Variants in EFCC1 observed in about 807,000 individuals in gnomAD.
The protein encoded by EFCC1 is EF-hand and coiled-coil domain containing 1, also known as EF-hand and coiled-coil domain-containing protein 1.
A neutral mutation model predicts 52.1 loss-of-function variants in EFCC1; 50 were observed. The observed-to-expected ratio is 0.96, with a 90% CI of 0.76 to 1.21. The LOEUF (loss-of-function observed/expected upper bound fraction) is 1.21. Among genes scored for constraint, EFCC1 ranks in the 50% most tolerant of loss-of-function variants. The pLI, the probability that EFCC1 is intolerant of heterozygous loss-of-function variation, is 0.00. For synonymous variants in EFCC1, 399 were observed against 396.5 expected, an observed-to-expected ratio of 1.01 and a Z score of -0.08; for missense variants, 837 against 867.3, an observed-to-expected ratio of 0.97 and a Z score of 0.44.
chr3:129,002,855 A>G (rs1056701696), intron 1 of EFCC1, among the ~76,000 whole-genome samples: 1 of 152,282 alleles, frequency 6.6e-6, no homozygotes, highest in Middle Eastern at 3.4e-3. Flanking sequence ...GAAACAGACA[A>G]TGTGGCTCAC....
chr3:129,033,783 C>T (rs528268192), intron 4 of EFCC1, among the ~76,000 whole-genome samples: 7 of 152,160 alleles, frequency 4.6e-5, no homozygotes, highest in African/African-American at 1.2e-4. Context: ...GGGACAGAGG[C>T]GGGGCAGGGA....
intron 2 of EFCC1, 168 bp from the exon 3 acceptor site, chr3:129,030,535 G>C (rs1180304235): frequency 4.2e-6 from 3 of 722,280 alleles, no homozygotes; most frequent in African/African-American, 1.8e-5. Context: ...TGCCCTAGCT[G>C]CAAGGGATGC....
At chr3:129,027,159 G>T (rs1023821258) in intron 2 of EFCC1, among the ~76,000 whole-genome samples, 2 of 152,220 alleles carry the variant, frequency 1.3e-5, no homozygotes, top group African/African-American at 4.8e-5. Context: ...GACGCCTGCA[G>T]ACGCTCCTTG....
chr3:129,032,176 C>T (rs868522690), intron 3 of EFCC1, among the ~76,000 whole-genome samples: 35 of 152,184 alleles, frequency 2.3e-4, no homozygotes, highest in Admixed American at 1.2e-3. Context: ...AAACATTAGA[C>T]GCCTGTAGTT....
At position 129,002,221 on chromosome 3, in the gene EFCC1, A is replaced by C; in HGVS notation, c.593A>C (p.Glu198Ala). 6.5e-7 allele frequency: 1 copy of C among 1,528,768 alleles called. No individual in the cohort carries two copies. The highest frequency in any genetic ancestry group is 8.7e-7 in the Non-Finnish European group (1 of 1,143,360). The allele number at this position is 1,528,768 out of a possible 1,614,324, so 94.7% of individuals were successfully genotyped here. The change falls in exon 1 of 8, where the codon GAG (glutamate) becomes GCG (alanine). Residue 198 changes from glutamate (E) to alanine (A), a missense_variant. Transcript: ENST00000683648. ...APGPDSGPDC[E>A]RVARLEEENS... ...GGCCCCGACAGCGGTCCTGACTGTG[A>C]GCGCGTTGCGCGGCTGGAGGAGGAG...
chr3:129,008,602 G>A lies in EFCC1; in HGVS notation c.980+4525G>A, dbSNP rs113743693. ...AAGCACGTTCTGTGGACCAATCCCC[G>A]TGCCACAATCCTTGGGACACAGAAA... is the stretch of plus-strand genomic sequence containing the variant. On this transcript the variant is annotated intron_variant, in intron 2 of 7. Transcript: ENST00000683648. 2.6e-3 allele frequency among the ~76,000 whole-genome samples: 389 copies of A among 152,090 alleles called. 2 individuals are homozygous for A. The highest frequency in any genetic ancestry group is 8.8e-3 in the African/African-American group (367 of 41,502).
intron 2 of EFCC1, among the ~76,000 whole-genome samples, chr3:129,009,713 A>T (rs1352833528): frequency 1.3e-5 from 2 of 152,212 alleles, no homozygotes; most frequent in Non-Finnish European, 2.9e-5. Context: ...CTCGCAGCCC[A>T]GTCCTTTTCT....
rs557624250 is a variant in EFCC1 at position 129,030,900 on chromosome 3, A to T, written c.1138+40A>T. Reference sequence around the variant, plus strand: ...CGCCCAGTCTTCCTGCCAGGCTCACAGTCCCTCCGGCTGTGCTCAGCCCTG... The same window carrying T: ...CGCCCAGTCTTCCTGCCAGGCTCACTGTCCCTCCGGCTGTGCTCAGCCCTG... On this transcript the variant is annotated intron_variant, in intron 3 of 7. Transcript: ENST00000683648. The T allele has an allele frequency of 2.8e-5, 43 of 1,529,250 alleles. No homozygotes were observed. The African/African-American group carries it at 5.4e-4, about 19-fold the overall frequency. The allele number at this position is 1,529,250 out of a possible 1,614,324, so 94.7% of individuals were successfully genotyped here.
chr3:129,018,632 G>T (rs1407593206), intron 2 of EFCC1, among the ~76,000 whole-genome samples: 2 of 152,212 alleles, frequency 1.3e-5, no homozygotes, highest in African/African-American at 4.8e-5. Context: ...TTGGTGACCA[G>T]CAATTCCAAC....
intron 2 of EFCC1, among the ~76,000 whole-genome samples, chr3:129,005,605 C>T (rs1267715613): frequency 6.6e-6 from 1 of 152,254 alleles, no homozygotes; most frequent in East Asian, 1.9e-4. Context: ...GAGCAGGAGA[C>T]AGTGCAGAGC....
chr3:129,037,766 T>TA (rs1203172559), intron 6 of EFCC1, among the ~76,000 whole-genome samples: 2 of 151,996 alleles, frequency 1.3e-5, no homozygotes, highest in Non-Finnish European at 2.9e-5. Flanking sequence ...GGAATCCCCC[T>TA]AAAATCAGAT....
chr3:129,008,201 C>A (rs768643027), intron 2 of EFCC1, among the ~76,000 whole-genome samples: 4 of 152,242 alleles, frequency 2.6e-5, no homozygotes, highest in Non-Finnish European at 5.9e-5. Context: ...GGGAACAAAA[C>A]CCCAAGACCA....
At chr3:129,007,441 G>C (rs1945122723) in intron 2 of EFCC1, among the ~76,000 whole-genome samples, 1 of 152,196 alleles carries the variant, frequency 6.6e-6, no homozygotes, top group African/African-American at 2.4e-5. Context: ...CTGCAGATGT[G>C]TCTTTGGGGA....
chr3:129,025,922 C>T (rs1046859100), intron 2 of EFCC1, among the ~76,000 whole-genome samples: 5 of 152,226 alleles, frequency 3.3e-5, no homozygotes, highest in African/African-American at 1.2e-4. Flanking sequence ...TGGGCCGGGT[C>T]ATTCCAGAGC....
rs566166220 is a variant in EFCC1 at position 129,025,090 on chromosome 3, G to C, written c.981-5613G>C. Among the ~76,000 whole-genome samples, 25 of 152,246 alleles carry C rather than the reference G, an allele frequency of 1.6e-4. No individual in the cohort carries two copies. In the South Asian group the frequency reaches 5.2e-3, roughly 32 times the overall value. ...GAAGCCTGTGGGACATCCAAATAGA[G>C]GTGCCACAGTTAAGTTCGGGCGCTT... On this transcript the variant is annotated intron_variant, in intron 2 of 7. Transcript: ENST00000683648.
intron 2 of EFCC1, among the ~76,000 whole-genome samples, chr3:129,023,646 AAATTT>A (rs1327325087): frequency 1.3e-5 from 2 of 152,174 alleles, no homozygotes; most frequent in African/African-American, 4.8e-5. Context: ...CTTGATTCTT[AAATTT>A]AACAATGGTT....
chr3:129,028,513 C>G (rs1213416212), intron 2 of EFCC1, among the ~76,000 whole-genome samples: 1 of 152,194 alleles, frequency 6.6e-6, no homozygotes, highest in African/African-American at 2.4e-5. Flanking sequence ...ACTGTGAGAA[C>G]ACAGTGGTGC....
At position 129,014,051 on chromosome 3, in the gene EFCC1, CAG is replaced by C. The variant is rs1039391678; in HGVS notation, c.980+9977_980+9978del. ...AGTCAGAGACCCAGGAAGGGGCAGA[CAG>C]AGTCTTCAGGCTCTTCATTTTGCCT... On this transcript the variant is annotated intron_variant, in intron 2 of 7. Transcript: ENST00000683648. This position sits in a 1 kb window ranked among gnomAD's most constrained non-coding sequence, Gnocchi z 4.3. 1.3e-5 allele frequency among the ~76,000 whole-genome samples: 2 copies of C among 152,204 alleles called. No homozygotes were observed. The highest frequency in any genetic ancestry group is 2.4e-5 in the African/African-American group (1 of 41,446).
At chr3:129,012,778 C>A (rs1019799340) in intron 2 of EFCC1, among the ~76,000 whole-genome samples, 12 of 152,314 alleles carry the variant, frequency 7.9e-5, no homozygotes, top group East Asian at 1.9e-4. Flanking sequence ...AGAAAACAAT[C>A]AATGTCCACC....
Sources: allele counts gnomAD v4.1 joint callset (sites outside exome capture counted in the v4.1 genomes callset), GRCh38; gene constraint gnomAD v4.1.1; non-coding constraint Gnocchi (gnomAD v3.1); transcripts MANE v1.5; gene names NCBI Gene and HGNC (gene_info 2026-07-23, HGNC 2026-07-21).